ZNF438: variants seen among roughly 807,000 people sequenced by gnomAD.
The protein encoded by ZNF438 is zinc finger protein 438.
A neutral mutation model predicts 38.0 loss-of-function variants in ZNF438; 25 were observed. That is an observed-to-expected ratio of 0.66 (90% CI 0.48 to 0.92). The LOEUF (loss-of-function observed/expected upper bound fraction) is 0.92. Ranked by LOEUF, ZNF438 falls within the 40% of genes least tolerant of loss-of-function variation. The pLI, the probability that ZNF438 is intolerant of heterozygous loss-of-function variation, is 0.00. For synonymous variants in ZNF438, 372 were observed against 364.1 expected (o/e 1.02, Z -0.25); for missense variants, 1,007 against 999.6 (o/e 1.01, Z -0.10).
chr10:30,998,540 CAAAAAAAAAAAAAAAAAAAAAAAAAAAAA>C (rs55838240), intron 1 of ZNF438, among the ~76,000 whole-genome samples: 529 of 33,914 alleles, frequency 0.016, 4 homozygotes, highest in South Asian at 0.041. Flanking sequence ...GAGACTGTCT[CAAAAAAAAAAAAAAAAAAAAAAAAAAAAA>C]AAAAAAAAAA....
chr10:31,019,667 GAAGTT>G (rs2056452364), intron 1 of ZNF438, among the ~76,000 whole-genome samples: 2 of 152,218 alleles, frequency 1.3e-5, no homozygotes, highest in South Asian at 2.1e-4. Context: ...CACAGAAAGT[GAAGTT>G]AAGTTTGCCA....
At position 30,903,886 on chromosome 10, in the gene ZNF438, C is replaced by A. The variant is rs188441039; in HGVS notation, c.-32+5047G>T. Among the ~76,000 whole-genome samples, 5 of 152,004 alleles carry A rather than the reference C, an allele frequency of 3.3e-5. No individual in the cohort carries two copies. The South Asian group carries it at 8.3e-4, about 25-fold the overall frequency. On this transcript the variant is annotated intron_variant, in intron 3 of 5. Coordinates refer to ENST00000413025, the Ensembl canonical transcript of ZNF438. ...GTGATGCAATTACTGCTGTTCTAGC[C>A]CCCAAAGAGTTTTCTGTTGCAAAAT...
In ZNF438 at chr10:30,959,286, T is replaced by C. The variant is rs1407368519; in HGVS notation, c.-191-17635A>G. ...ATATGGGGGAGCTTCATCTAATGAG[T>C]TGATGGCCTGAATAGAACAAAAGGA... On this transcript the variant is annotated intron_variant, in intron 1 of 5. Coordinates refer to ENST00000413025, the Ensembl canonical transcript of ZNF438. Among the ~76,000 whole-genome samples, 5 of 146,516 alleles carry C rather than the reference T, an allele frequency of 3.4e-5. 1 individual carries two copies. Among genetic ancestry groups the C allele is most frequent in the African/African-American group, 1.2e-4 (5 of 40,934 alleles).
chr10:30,965,829 T>C (rs1193177040), intron 1 of ZNF438, among the ~76,000 whole-genome samples: 1 of 152,138 alleles, frequency 6.6e-6, no homozygotes, highest in Non-Finnish European at 1.5e-5. Flanking sequence ...AGTACCTAGG[T>C]GACAGGATCA....
chr10:30,947,634 C>T (rs1343185727), intron 1 of ZNF438, among the ~76,000 whole-genome samples: 3 of 152,262 alleles, frequency 2.0e-5, no homozygotes, highest in Non-Finnish European at 2.9e-5. Context: ...CTCACTGCCG[C>T]CTTGCAGTTT....
chr10:30,900,568 T>C (rs2041862231), intron 3 of ZNF438, among the ~76,000 whole-genome samples: 1 of 152,234 alleles, frequency 6.6e-6, no homozygotes. Flanking sequence ...CTAATTTCTT[T>C]AATTCTCATC....
chr10:31,009,114 T>C (rs1259324628), intron 1 of ZNF438, among the ~76,000 whole-genome samples: 1 of 152,230 alleles, frequency 6.6e-6, no homozygotes, highest in East Asian at 1.9e-4. Context: ...TTTTTGTCTT[T>C]TTAATATTGA....
chr10:30,871,866 G>T (rs2037463918), intron 4 of ZNF438, among the ~76,000 whole-genome samples: 1 of 152,142 alleles, frequency 6.6e-6, no homozygotes, highest in Non-Finnish European at 1.5e-5. Flanking sequence ...ACTGCAGTGG[G>T]TCCAGAGGGG....
intron 1 of ZNF438, among the ~76,000 whole-genome samples, chr10:31,026,203 C>G (rs1334398622): frequency 6.6e-6 from 1 of 152,206 alleles, no homozygotes; most frequent in Non-Finnish European, 1.5e-5. Context: ...TCTAAAACAC[C>G]AAAAGCAATG....
At chr10:30,982,364 G>A (rs1261061372) in intron 1 of ZNF438, among the ~76,000 whole-genome samples, 1 of 152,114 alleles carries the variant, frequency 6.6e-6, no homozygotes, top group Non-Finnish European at 1.5e-5. Flanking sequence ...GTCTCACAAA[G>A]TGCTGAGATT....
chr10:30,898,604 T>G (rs2041636474), intron 3 of ZNF438, among the ~76,000 whole-genome samples: 1 of 152,092 alleles, frequency 6.6e-6, no homozygotes, highest in South Asian at 2.1e-4. Flanking sequence ...ATTTTTATAC[T>G]AAAAATAATA....
intron 1 of ZNF438, among the ~76,000 whole-genome samples, chr10:30,951,803 C>T (rs9417832): frequency 0.74 from 106,953 of 144,430 alleles, 41,128 homozygotes; most frequent in African/African-American, 0.87. Context: ...AGAATCAATA[C>T]CATGAAAATG....
chr10:30,929,984 G>C (rs879666297), intron 2 of ZNF438, among the ~76,000 whole-genome samples: 1 of 152,214 alleles, frequency 6.6e-6, no homozygotes, highest in Non-Finnish European at 1.5e-5. Context: ...ACTGACTCAG[G>C]AGCCCATCTG....
chr10:31,004,849 A>G (rs2054975702), intron 1 of ZNF438, among the ~76,000 whole-genome samples: 1 of 152,218 alleles, frequency 6.6e-6, no homozygotes, highest in Non-Finnish European at 1.5e-5. Flanking sequence ...TACTTTTCCC[A>G]CATCAATAAA....
intron 3 of ZNF438, among the ~76,000 whole-genome samples, chr10:30,906,024 A>C (rs1170500113): frequency 6.6e-6 from 1 of 152,146 alleles, no homozygotes; most frequent in Non-Finnish European, 1.5e-5. Flanking sequence ...TTTCTTTTTC[A>C]ATACTATTTT....
intron 4 of ZNF438, among the ~76,000 whole-genome samples, chr10:30,861,218 C>T (rs2035531422): frequency 6.6e-6 from 1 of 152,148 alleles, no homozygotes; most frequent in South Asian, 2.1e-4. Context: ...CTCCTGTATA[C>T]CCCAAATCAC....
At chr10:30,914,335 G>A (rs980840139) in intron 2 of ZNF438, among the ~76,000 whole-genome samples, 2 of 152,038 alleles carry the variant, frequency 1.3e-5, no homozygotes, top group African/African-American at 2.4e-5. Flanking sequence ...GAAGGTAGAT[G>A]AGTGTGATTA....
In ZNF438 at chr10:30,981,368, A is replaced by G. The variant is rs192355082; in HGVS notation, c.-191-39717T>C. ...ATAATCCGAAGTTTACTACGTGTTT[A>G]TGGAAACATGACAGCATTTCCTGGG... is the stretch of plus-strand genomic sequence containing the variant. On this transcript the variant is annotated intron_variant, in intron 1 of 5. Coordinates refer to ENST00000413025, the Ensembl canonical transcript of ZNF438. 3.0e-3 allele frequency among the ~76,000 whole-genome samples: 453 copies of G among 152,308 alleles called. 3 individuals are homozygous for G. Among genetic ancestry groups the G allele is most frequent in the African/African-American group, 0.01 (426 of 41,580 alleles).
intron 2 of ZNF438, among the ~76,000 whole-genome samples, chr10:30,928,092 T>G (rs7096209): frequency 0.33 from 50,258 of 151,986 alleles, 9,535 homozygotes; most frequent in South Asian, 0.41. Flanking sequence ...TACTTTCTAT[T>G]TCATTAAGTT....
Sources: gnomAD v4.1 joint callset for allele counts (sites outside exome capture counted in the v4.1 genomes callset) on GRCh38, gnomAD v4.1.1 for gene constraint, MANE v1.5 for transcripts, NCBI Gene and HGNC (gene_info 2026-07-23, HGNC 2026-07-21) for gene names.